The following CEP170B variants were observed in gnomAD, a reference collection of about 807,000 sequenced individuals.
CEP170B encodes centrosomal protein 170B, also known as centrosomal protein of 170 kDa protein B.
CEP170B carries 55 observed loss-of-function variants against 120.6 expected under a neutral mutation model. That is an observed-to-expected ratio of 0.46 (90% CI 0.37 to 0.57). CEP170B has a LOEUF of 0.57. CEP170B is among the 20% of genes least tolerant of loss of function. CEP170B has a pLI of 0.00. For missense variants in CEP170B, 2,212 were observed against 2,253.3 expected (o/e 0.98, Z 0.37); for synonymous variants, 1,033 against 954.5 (o/e 1.08, Z -1.52).
At chr14:104,889,819 C>T in intron 13 of CEP170B, 61 bp downstream of exon 13, 1 of 1,540,754 alleles carries the variant, frequency 6.5e-7, no homozygotes, top group Non-Finnish European at 8.8e-7. Context: ...AGTGAGAGCA[C>T]CCTGAGGGCA....
chr14:104,878,722 A>ACAGGTGGCGGGGGCACCGGGACG (rs531511093), intron 5 of CEP170B, among the ~76,000 whole-genome samples: 4,356 of 152,288 alleles, frequency 0.029, 78 homozygotes, highest in Middle Eastern at 0.078. Flanking sequence ...TGCTGCAGTG[A>ACAGGTGGCGGGGGCACCGGGACG]CAGGTGGCGG....
rs1895841683 is a variant in CEP170B at position 104,876,265 on chromosome 14, G to A, written c.115G>A (p.Val39Met). ...CTGTGTGTCTCTCCAGTCCCGCAGCGTGGACAAGCAGCATGCCGTCATCAA... is the reference window on the plus strand; with the variant it reads ...CTGTGTGTCTCTCCAGTCCCGCAGCATGGACAAGCAGCATGCCGTCATCAA... The part of the protein sequence containing the change: ...ECELMLQSRS[V>M]DKQHAVINYD... Residue 39 changes from valine (V) to methionine (M), a missense_variant, in exon 3 of 19, where the codon GTG becomes ATG. Coordinates refer to ENST00000414716, the MANE Select transcript of CEP170B (RefSeq NM_001112726.3). 3.2e-6 allele frequency: 5 copies of A among 1,550,746 alleles called. No individual in the cohort carries two copies. Among genetic ancestry groups the A allele is most frequent in the Non-Finnish European group, 4.4e-6 (5 of 1,146,782 alleles).
rs755837654 is a variant in CEP170B, at chr14:104,884,063, G to A, written c.1284G>A (p.Gly428=). 21 of 1,607,486 alleles carry A rather than the reference G, an allele frequency of 1.3e-5. No individual in the cohort carries two copies. The Admixed American group carries it at 1.7e-4, about 13-fold the overall frequency. ...AGTCCTTCACGCACAGCCCGTCCGG[G>A]GACCCCAAGGCCGACAAGCGCCGTG... ...RSQSFTHSPS[G]DPKADKRRGP... is the part of the protein sequence containing the mutation. The change falls in exon 9 of 19, where the codon GGG becomes GGA. Residue 428 remains glycine (G), a synonymous_variant. Coordinates refer to ENST00000414716, the MANE Select transcript of CEP170B (RefSeq NM_001112726.3).
rs752536324 is a variant in CEP170B at position 104,894,947 on chromosome 14, T to C, written c.4654T>C (p.Phe1552Leu). 7.6e-6 allele frequency: 12 copies of C among 1,584,620 alleles called. No homozygotes were observed. The highest frequency in any genetic ancestry group is 1.0e-5 in the Non-Finnish European group (12 of 1,164,674). ...DPTFLPDAER[F>L]LI Reference sequence around the variant, plus strand: ...CACCTTCCTCCCTGATGCCGAGAGGTTCCTGATCTAGGCCCCAGACCTGGC... The same window carrying C: ...CACCTTCCTCCCTGATGCCGAGAGGCTCCTGATCTAGGCCCCAGACCTGGC... Residue 1552 changes from phenylalanine (F) to leucine (L), a missense_variant, in exon 19 of 19, where the codon TTC becomes CTC. Physicochemically the swap from Phe to Leu is conservative, Grantham distance 22. This residue lies in a region of CEP170B where 2,166 missense variants were observed against 2,166.7 expected (regional missense o/e 1.00). Transcript: ENST00000414716.
At position 104,883,366 on chromosome 14, in the gene CEP170B, A is replaced by T. The variant is rs1236433158; in HGVS notation, c.909A>T (p.Thr303=). Residue 303 remains threonine (T), a synonymous_variant, in exon 8 of 19, where the codon ACA becomes ACT. Transcript: ENST00000414716. ...GGCGGCCCCCGGGCAAGGAGGCCAC[A>T]CCTGGCGAGATGGTGTCGGCTGAGA... ...RQRRPPGKEA[T]PGEMVSAETK... is the part of the protein sequence containing the mutation. 6.2e-7 allele frequency: 1 copy of T among 1,608,874 alleles called. No individual in the cohort carries two copies. Among genetic ancestry groups the T allele is most frequent in the Non-Finnish European group, 8.5e-7 (1 of 1,178,598 alleles).
At chr14:104,880,191 C>T in intron 5 of CEP170B, 96 bp from the exon 6 acceptor site, 1 of 1,484,840 alleles carries the variant, frequency 6.7e-7, no homozygotes, top group Non-Finnish European at 9.1e-7. Flanking sequence ...AAAGTCATAG[C>T]TGGGCCCTCT....
chr14:104,871,906 A>G (rs1300749909), intron 2 of CEP170B, among the ~76,000 whole-genome samples: 4 of 152,202 alleles, frequency 2.6e-5, no homozygotes, highest in African/African-American at 9.7e-5. Flanking sequence ...TGTTCCAGGC[A>G]GAGCTGCCAC....
intron 5 of CEP170B, among the ~76,000 whole-genome samples, chr14:104,878,741 G>A (rs1464256736): frequency 6.6e-6 from 1 of 152,242 alleles, no homozygotes; most frequent in East Asian, 1.9e-4. Context: ...GGGGGCACCG[G>A]GACGCGGGTG....
chr14:104,894,696 C>G lies in CEP170B; in HGVS notation c.4418-15C>G. ...GAACTGGATCCGCAGCCTGACCCTCCCTCCCCACCTCCAGTTATCAATGCC... is the reference window on the plus strand; with the variant it reads ...GAACTGGATCCGCAGCCTGACCCTCGCTCCCCACCTCCAGTTATCAATGCC... On this transcript the variant is annotated splice_polypyrimidine_tract_variant and intron_variant, in intron 18 of 18. Transcript: ENST00000414716. 1 of 1,570,420 alleles carries G rather than the reference C, an allele frequency of 6.4e-7. No homozygotes were observed. The highest frequency in any genetic ancestry group is 8.7e-7 in the Non-Finnish European group (1 of 1,155,632).
rs1467279524 is a variant in CEP170B, at chr14:104,891,148, C to A, written c.3878+1390C>A. On this transcript the variant is annotated intron_variant, in intron 13 of 18. Coordinates refer to ENST00000414716, the MANE Select transcript of CEP170B (RefSeq NM_001112726.3). The surrounding 1 kb of genome is among the most constrained non-coding windows in gnomAD (Gnocchi z 4.3). ...TTCCCAGGAGGTGAGACCGCCAGTA[C>A]AAGGAGGGCCTCCTCAAAGGTTTTC... Among the ~76,000 whole-genome samples the A allele has an allele frequency of 6.6e-6, 1 of 151,974 alleles. No homozygotes were observed. Among genetic ancestry groups the A allele is most frequent in the Non-Finnish European group, 1.5e-5 (1 of 67,962 alleles).
At position 104,882,715 on chromosome 14, in the gene CEP170B, G is replaced by C; in HGVS notation, c.473-13G>C. On this transcript the variant is annotated splice_polypyrimidine_tract_variant and intron_variant, in intron 6 of 18. Transcript: ENST00000414716. ...CCAGCAACACAGGGTCTGACCTCTC[G>C]CTCCCTCCACAGAGGCAGCCTCTTA... is the stretch of plus-strand genomic sequence containing the variant. 1 of 1,606,258 alleles carries C rather than the reference G, an allele frequency of 6.2e-7. No individual in the cohort carries two copies. The highest frequency in any genetic ancestry group is 1.3e-5 in the African/African-American group (1 of 74,904).
intron 4 of CEP170B, 76 bp from the exon 5 acceptor site, chr14:104,878,367 C>A: frequency 6.8e-7 from 1 of 1,481,000 alleles, no homozygotes; most frequent in Non-Finnish European, 9.4e-7. Context: ...TGAGCTGGCA[C>A]ACCTGTTGCT....
chr14:104,865,433 C>G lies in CEP170B; in HGVS notation c.-108C>G, dbSNP rs971505917. Reference sequence around the variant, plus strand: ...CGCGAGGGCAGGGACCGAGCCGGGCCGAGCTGGGGAACAAGCCGGGGACCA... The same window carrying G: ...CGCGAGGGCAGGGACCGAGCCGGGCGGAGCTGGGGAACAAGCCGGGGACCA... On this transcript the variant is annotated 5_prime_UTR_variant, in exon 1 of 19. Transcript: ENST00000414716. The surrounding 1 kb of genome is among the most constrained non-coding windows in gnomAD (Gnocchi z 6.7). The G allele has an allele frequency of 6.7e-6, 1 of 150,022 alleles. No individual in the cohort carries two copies. The highest frequency in any genetic ancestry group is 2.0e-4 in the East Asian group (1 of 5,110). 9.3% of individuals were successfully genotyped at this position (150,022 alleles called of 1,614,324 possible).
rs150869689 is a variant in CEP170B at position 104,870,798 on chromosome 14, C to T, written c.105+2243C>T. Among the ~76,000 whole-genome samples the T allele has an allele frequency of 7.8e-4, 119 of 152,236 alleles. No individual in the cohort carries two copies. Among genetic ancestry groups the T allele is most frequent in the South Asian group, 1.5e-3 (7 of 4,826 alleles). ...TGGGTGGGCCTGCATTTCTACCCCTCGCTGTTGTGGGTGGTGTCACCATTG... is the reference window on the plus strand; with the variant it reads ...TGGGTGGGCCTGCATTTCTACCCCTTGCTGTTGTGGGTGGTGTCACCATTG... On this transcript the variant is annotated intron_variant, in intron 2 of 18. Transcript: ENST00000414716. The surrounding 1 kb of genome is among the most constrained non-coding windows in gnomAD (Gnocchi z 4.1).
chr14:104,871,388 C>T (rs1356704484), intron 2 of CEP170B, among the ~76,000 whole-genome samples: 3 of 148,484 alleles, frequency 2.0e-5, no homozygotes, highest in African/African-American at 7.3e-5. Context: ...CACCCCCACC[C>T]CCACCCCACG....
At position 104,893,678 on chromosome 14, in the gene CEP170B, A is replaced by G; in HGVS notation, c.4182+12A>G. 1 of 1,582,832 alleles carries G rather than the reference A, an allele frequency of 6.3e-7. No homozygotes were observed. The highest frequency in any genetic ancestry group is 8.6e-7 in the Non-Finnish European group (1 of 1,165,748). On this transcript the variant is annotated intron_variant, in intron 15 of 18. Coordinates refer to ENST00000414716, the MANE Select transcript of CEP170B (RefSeq NM_001112726.3). ...GGAACCGAGAGGAGGCACGGTGCCC[A>G]CTACCGCCACGGAGCTGGGTGTGGG...
chr14:104,890,652 GAATGGA>G, intron 13 of CEP170B, among the ~76,000 whole-genome samples: 1 of 131,682 alleles, frequency 7.6e-6, no homozygotes, highest in Non-Finnish European at 1.7e-5. Context: ...ATGGATGGAT[GAATGGA>G]TGAGTGAGTG....
At chr14:104,892,063 TGA>T (rs1896875956) in intron 13 of CEP170B, among the ~76,000 whole-genome samples, 1 of 151,860 alleles carries the variant, frequency 6.6e-6, no homozygotes, top group Admixed American at 6.5e-5. Context: ...GTTCCTTGGG[TGA>T]CTGCCAGTGT....
chr14:104,887,055 G>C lies in CEP170B; in HGVS notation c.2816G>C (p.Gly939Ala). The change falls in exon 12 of 19, where the codon GGG becomes GCG. Residue 939 changes from glycine (G) to alanine (A), a missense_variant. Transcript: ENST00000414716. ...AATTCTGTGGATGCCGAGTGTGAGG[G>C]GGGCAGCACCCCGAGGCCGCCGGAG... ...LSNSVDAECE[G>A]GSTPRPPEDA... 1.2e-6 allele frequency: 2 copies of C among 1,611,526 alleles called. No individual in the cohort carries two copies. The highest frequency in any genetic ancestry group is 1.6e-4 in the Middle Eastern group (1 of 6,062).
Sources: allele counts gnomAD v4.1 joint callset (sites outside exome capture counted in the v4.1 genomes callset), GRCh38; gene constraint gnomAD v4.1.1; regional missense constraint gnomAD v4.1.1; non-coding constraint Gnocchi (gnomAD v3.1); transcripts MANE v1.5; gene names NCBI Gene and HGNC (gene_info 2026-07-23, HGNC 2026-07-21).